ROBO2: variants seen among roughly 807,000 people sequenced by gnomAD.
ROBO2 encodes roundabout guidance receptor 2.
Under a neutral mutation model 160.8 loss-of-function variants are expected in ROBO2, and 53 were observed. The ratio of observed to expected loss-of-function variants is 0.33; its 90% CI spans 0.26 to 0.41. The LOEUF (loss-of-function observed/expected upper bound fraction) is 0.41. Ranked by LOEUF, ROBO2 falls within the 10% of genes least tolerant of loss-of-function variation. The probability of loss-of-function intolerance (pLI) is 1.00; values close to 1 mark genes in which losing one functional copy is unlikely to be tolerated. For missense variants in ROBO2, 1,577 were observed against 1,722.4 expected, an observed-to-expected ratio of 0.92 and a Z score of 1.49; for synonymous variants, 664 against 611.7, an observed-to-expected ratio of 1.09 and a Z score of -1.26.
intron 2 of ROBO2, among the ~76,000 whole-genome samples, chr3:77,451,091 C>T (rs1442051769): frequency 6.6e-6 from 1 of 152,052 alleles, no homozygotes; most frequent in Non-Finnish European, 1.5e-5. Context: ...TTGAGAATGG[C>T]CTTAATTCTC....
chr3:76,884,921 G>T (rs2148773810), intron 2 of ROBO2, among the ~76,000 whole-genome samples: 1 of 152,210 alleles, frequency 6.6e-6, no homozygotes, highest in Non-Finnish European at 1.5e-5. Flanking sequence ...TAAAGAGGGT[G>T]AAATGAAGAC....
At chr3:76,438,798 T>C (rs1190271098) in intron 2 of ROBO2, among the ~76,000 whole-genome samples, 1 of 152,082 alleles carries the variant, frequency 6.6e-6, no homozygotes, top group East Asian at 1.9e-4. Context: ...CTATGCTTTA[T>C]TTAAATATAT....
chr3:77,566,317 C>T (rs1290703404), intron 12 of ROBO2, among the ~76,000 whole-genome samples: 1 of 151,802 alleles, frequency 6.6e-6, no homozygotes, highest in Admixed American at 6.6e-5. Flanking sequence ...CGATAAAGGG[C>T]CTGTAGGTAA....
intron 2 of ROBO2, among the ~76,000 whole-genome samples, chr3:76,851,881 G>T (rs1238258571): frequency 2.0e-5 from 3 of 151,966 alleles, no homozygotes; most frequent in Admixed American, 6.5e-5. Context: ...GAATCTGAAG[G>T]TTGGAAGAAT....
Position 76,590,513 on chromosome 3 carries a change from A to G in ROBO2, c.110-507501A>G, listed in dbSNP as rs557124248. ...CAACACATCAACCAACTGACAGAGT[A>G]AAATGTTTGAGTTGATTCAGAAAAG... On this transcript the variant is annotated intron_variant, in intron 2 of 26. Coordinates refer to the ROBO2 transcript ENST00000487694. Among the ~76,000 whole-genome samples, 18 of 152,288 alleles carry G rather than the reference A, an allele frequency of 1.2e-4. No homozygotes were observed. In the South Asian group the frequency reaches 2.3e-3, roughly 19 times the overall value.
At chr3:76,767,890 T>C (rs2108463651) in intron 2 of ROBO2, among the ~76,000 whole-genome samples, 1 of 151,630 alleles carries the variant, frequency 6.6e-6, no homozygotes, top group East Asian at 2.0e-4. Flanking sequence ...TTGTGGACAT[T>C]AACTTTTGAT....
At chr3:76,488,757 G>GAC (rs895239221) in intron 2 of ROBO2, among the ~76,000 whole-genome samples, 1 of 151,832 alleles carries the variant, frequency 6.6e-6, no homozygotes, top group Non-Finnish European at 1.5e-5. Context: ...TAGGATAAAG[G>GAC]ACACACACAC....
intron 2 of ROBO2, among the ~76,000 whole-genome samples, chr3:76,400,227 A>C (rs931991835): frequency 1.8e-4 from 28 of 151,630 alleles, no homozygotes; most frequent in Non-Finnish European, 2.8e-4. Context: ...AGATATCTAG[A>C]CACTTATTGA....
intron 2 of ROBO2, among the ~76,000 whole-genome samples, chr3:76,283,180 C>A (rs1322593676): frequency 2.0e-5 from 1 of 49,894 alleles, no homozygotes; most frequent in African/African-American, 5.2e-5. Flanking sequence ...TGACCCCTGC[C>A]ATGCAGCATT....
intron 2 of ROBO2, among the ~76,000 whole-genome samples, chr3:76,870,989 A>G (rs972254644): frequency 1.3e-5 from 2 of 152,216 alleles, no homozygotes; most frequent in Admixed American, 6.5e-5. Flanking sequence ...CCATCAAGCT[A>G]TTTAGCCCTC....
At chr3:76,554,537 C>T (rs919830634) in intron 2 of ROBO2, among the ~76,000 whole-genome samples, 7 of 152,146 alleles carry the variant, frequency 4.6e-5, no homozygotes, top group African/African-American at 1.2e-4. Context: ...TGTCCCACTT[C>T]GTTGCCTACA....
intron 2 of ROBO2, among the ~76,000 whole-genome samples, chr3:76,670,351 G>T (rs2092220359): frequency 6.7e-6 from 1 of 149,804 alleles, no homozygotes; most frequent in African/African-American, 2.5e-5. Context: ...GTTTCTTTCA[G>T]GTGTGTTTCT....
At chr3:77,544,338 G>C (rs1346142641) in intron 6 of ROBO2, among the ~76,000 whole-genome samples, 5 of 152,036 alleles carry the variant, frequency 3.3e-5, no homozygotes, top group Non-Finnish European at 7.4e-5. Flanking sequence ...GAAAATACAA[G>C]GCAACCTATA....
chr3:77,080,023 G>T (rs2068466272), intron 1 of ROBO2, among the ~76,000 whole-genome samples: 2 of 152,196 alleles, frequency 1.3e-5, no homozygotes, highest in South Asian at 4.1e-4. Flanking sequence ...TTTGTGAACT[G>T]AAACAAAAGA....
At chr3:77,280,287 A>T (rs1368459821) in intron 2 of ROBO2, among the ~76,000 whole-genome samples, 1 of 152,228 alleles carries the variant, frequency 6.6e-6, no homozygotes, top group African/African-American at 2.4e-5. Context: ...CCCTTGATGA[A>T]TTCCTACAGT....
chr3:77,378,811 T>C (rs9879976), intron 2 of ROBO2, among the ~76,000 whole-genome samples: 39,892 of 152,100 alleles, frequency 0.26, 6,657 homozygotes, highest in Non-Finnish European at 0.37. Context: ...TCTGCATAGA[T>C]GCCCGAAAAA....
intron 16 of ROBO2, among the ~76,000 whole-genome samples, chr3:77,582,263 G>A (rs371618089): frequency 1.4e-4 from 21 of 152,142 alleles, no homozygotes; most frequent in East Asian, 1.4e-3. Flanking sequence ...CACCACACCC[G>A]GCTAACTTTT....
intron 2 of ROBO2, among the ~76,000 whole-genome samples, chr3:77,363,766 G>A (rs755738651): frequency 6.6e-6 from 1 of 152,148 alleles, no homozygotes; most frequent in African/African-American, 2.4e-5. Flanking sequence ...GAAGGGAGAA[G>A]GGAGAGAGTA....
rs1300830007 is a variant in ROBO2, at chr3:77,614,978, G to T, written c.3294-2535G>T. Among the ~76,000 whole-genome samples, 3 of 152,032 alleles carry T rather than the reference G, an allele frequency of 2.0e-5. No individual in the cohort carries two copies. In the East Asian group the frequency reaches 5.8e-4, roughly 29 times the overall value. On this transcript the variant is annotated intron_variant, in intron 21 of 25. Coordinates refer to ENST00000461745, the Ensembl canonical transcript of ROBO2. The stretch of plus-strand genomic sequence containing the variant: ...CTTCCTCCGGGCTTCCACACGTGTT[G>T]TTTAAAATGTTCCTTTTACTGGTGG...
Sources: allele counts gnomAD v4.1 joint callset (sites outside exome capture counted in the v4.1 genomes callset), GRCh38; gene constraint gnomAD v4.1.1; transcripts MANE v1.5; gene names NCBI Gene and HGNC (gene_info 2026-07-23, HGNC 2026-07-21).